The following TMEM161B variants were observed in gnomAD, a reference collection of about 807,000 sequenced individuals.
The protein encoded by TMEM161B is transmembrane protein 161B.
Under a neutral mutation model 61.8 loss-of-function variants are expected in TMEM161B, and 34 were observed. The ratio of observed to expected loss-of-function variants is 0.55; its 90% CI spans 0.42 to 0.73. The LOEUF is 0.73. Among genes scored for constraint, TMEM161B ranks in the 30% least tolerant of loss-of-function variants. TMEM161B has a pLI of 0.00. For missense variants in TMEM161B, 456 were observed against 558.5 expected (o/e 0.82, Z 1.85); for synonymous variants, 167 against 192.8 (o/e 0.87, Z 1.11).
chr5:88,197,940 C>G (rs358295), intron 10 of TMEM161B, 175 bp from the exon 11 acceptor site: 110,923 of 443,960 alleles, frequency 0.25, 16,664 homozygotes, highest in African/African-American at 0.44. Flanking sequence ...TTTGGAAAGG[C>G]TCAATTTGAA....
intron 2 of TMEM161B, among the ~76,000 whole-genome samples, chr5:88,238,329 A>G (rs1379838091): frequency 6.6e-6 from 1 of 151,916 alleles, no homozygotes; most frequent in African/African-American, 2.4e-5. Flanking sequence ...TGACACCAAA[A>G]GAGAAGCCAT....
intron 2 of TMEM161B, among the ~76,000 whole-genome samples, chr5:88,236,792 T>C (rs924759686): frequency 7.9e-5 from 12 of 152,178 alleles, no homozygotes; most frequent in Admixed American, 3.3e-4. Context: ...CATAAGAACA[T>C]AGCAAGTGAA....
At chr5:88,197,847 A>C in intron 10 of TMEM161B, 82 bp from the exon 11 acceptor site, 1 of 1,158,678 alleles carries the variant, frequency 8.6e-7, no homozygotes, top group South Asian at 1.5e-5. Flanking sequence ...TGCCATACCA[A>C]AATACTTAAG....
In TMEM161B at chr5:88,196,200, T is replaced by C; in HGVS notation, c.*11A>G. The C allele has an allele frequency of 6.3e-7, 1 of 1,592,506 alleles. No individual in the cohort carries two copies. Among genetic ancestry groups the C allele is most frequent in the Non-Finnish European group, 8.5e-7 (1 of 1,171,738 alleles). ...AGGGTGATTTGGATATGCTTTTTTGTTAACTGAGATTCATGCCACAGTCAG... is the reference window on the plus strand; with the variant it reads ...AGGGTGATTTGGATATGCTTTTTTGCTAACTGAGATTCATGCCACAGTCAG... On this transcript the variant is annotated 3_prime_UTR_variant, in exon 12 of 12. Coordinates refer to ENST00000296595, the MANE Select transcript of TMEM161B (RefSeq NM_153354.5).
At chr5:88,208,508 G>C (rs999412870) in intron 5 of TMEM161B, among the ~76,000 whole-genome samples, 2 of 152,046 alleles carry the variant, frequency 1.3e-5, no homozygotes, top group African/African-American at 4.8e-5. Flanking sequence ...CGGGCATGGT[G>C]GCACACGCCT....
chr5:88,207,702 G>C (rs997972858), intron 5 of TMEM161B, among the ~76,000 whole-genome samples: 1 of 152,094 alleles, frequency 6.6e-6, no homozygotes, highest in African/African-American at 2.4e-5. Flanking sequence ...GTTTCAACAT[G>C]TTCACCTATT....
intron 1 of TMEM161B, among the ~76,000 whole-genome samples, chr5:88,266,885 C>G (rs954796029): frequency 2.0e-5 from 3 of 152,114 alleles, no homozygotes; most frequent in African/African-American, 7.2e-5. Flanking sequence ...AGGAAAAGAG[C>G]CAACTAGTTA....
intron 3 of TMEM161B, among the ~76,000 whole-genome samples, chr5:88,227,017 C>T (rs1334890627): frequency 1.3e-5 from 2 of 152,126 alleles, no homozygotes; most frequent in Non-Finnish European, 2.9e-5. Flanking sequence ...GTCCCAGCTA[C>T]TCAGGAGGCT....
chr5:88,241,181 T>C (rs1167546776), intron 1 of TMEM161B, among the ~76,000 whole-genome samples: 1 of 151,738 alleles, frequency 6.6e-6, no homozygotes, highest in Admixed American at 6.6e-5. Context: ...AGCATTTACA[T>C]TGTATTAGGT....
At chr5:88,255,259 A>G (rs186710558) in intron 1 of TMEM161B, among the ~76,000 whole-genome samples, 204 of 152,352 alleles carry the variant, frequency 1.3e-3, no homozygotes, top group Middle Eastern at 3.4e-3. Flanking sequence ...TGATAAAAGC[A>G]GCACAAAACA....
At chr5:88,213,244 A>C (rs1747179659) in intron 5 of TMEM161B, among the ~76,000 whole-genome samples, 2 of 152,304 alleles carry the variant, frequency 1.3e-5, no homozygotes, top group Admixed American at 1.3e-4. Flanking sequence ...AAATAAGTAC[A>C]TTAATCCTAA....
intron 1 of TMEM161B, among the ~76,000 whole-genome samples, chr5:88,258,142 CTAAA>C (rs1390516664): frequency 1.3e-5 from 2 of 152,150 alleles, no homozygotes; most frequent in African/African-American, 4.8e-5. Context: ...TCATCAAGAA[CTAAA>C]TGTCTCAATT....
At chr5:88,265,499 G>C (rs1486233199) in intron 1 of TMEM161B, among the ~76,000 whole-genome samples, 1 of 152,126 alleles carries the variant, frequency 6.6e-6, no homozygotes, top group Non-Finnish European at 1.5e-5. Flanking sequence ...GATCTGACAG[G>C]AGGTGGACCT....
intron 8 of TMEM161B, 110 bp from the exon 9 acceptor site, chr5:88,203,185 T>G (rs1744752880): frequency 1.5e-6 from 1 of 653,306 alleles, no homozygotes; most frequent in South Asian, 1.8e-5. Context: ...TGCAGTATTC[T>G]ACTACTTACG....
chr5:88,255,898 C>T (rs1754927108), intron 1 of TMEM161B, among the ~76,000 whole-genome samples: 1 of 152,062 alleles, frequency 6.6e-6, no homozygotes, highest in African/African-American at 2.4e-5. Context: ...AAGATTAGAA[C>T]TACAACAGTA....
At position 88,196,214 on chromosome 5, in the gene TMEM161B, T is replaced by G; in HGVS notation, c.1461A>C (p.Ala487=). Residue 487 remains alanine, a synonymous_variant, in exon 12 of 12, where the codon GCA becomes GCC. Transcript: ENST00000296595. ...GLFYHQYLTV[A] Reference sequence around the variant, plus strand: ...ATGCTTTTTTGTTAACTGAGATTCATGCCACAGTCAGATACTGGTGATAGA... The same window carrying G: ...ATGCTTTTTTGTTAACTGAGATTCAGGCCACAGTCAGATACTGGTGATAGA... 1 of 1,602,750 alleles carries G rather than the reference T, an allele frequency of 6.2e-7. No individual in the cohort carries two copies. Among genetic ancestry groups the G allele is most frequent in the Non-Finnish European group, 8.5e-7 (1 of 1,175,672 alleles).
At chr5:88,203,579 T>A (rs1400616649) in intron 8 of TMEM161B, among the ~76,000 whole-genome samples, 1 of 151,698 alleles carries the variant, frequency 6.6e-6, no homozygotes, top group East Asian at 1.9e-4. Flanking sequence ...TCCATATTAC[T>A]AGAAGGCATA....
At chr5:88,213,621 GA>G (rs903175515) in intron 5 of TMEM161B, among the ~76,000 whole-genome samples, 6 of 151,532 alleles carry the variant, frequency 4.0e-5, no homozygotes, top group African/African-American at 1.2e-4. Flanking sequence ...TTCAGTTTCA[GA>G]AAAAAAATTA....
intron 8 of TMEM161B, among the ~76,000 whole-genome samples, chr5:88,203,407 C>G (rs562775800): frequency 6.6e-6 from 1 of 152,076 alleles, no homozygotes; most frequent in African/African-American, 2.4e-5. Flanking sequence ...TAATCTCATA[C>G]TTTATTCCTG....
Sources: gnomAD v4.1 joint callset for allele counts (sites outside exome capture counted in the v4.1 genomes callset) on GRCh38, gnomAD v4.1.1 for gene constraint, MANE v1.5 for transcripts, NCBI Gene and HGNC (gene_info 2026-07-23, HGNC 2026-07-21) for gene names.